SYN3: variants seen among roughly 807,000 people sequenced by gnomAD.
The protein encoded by SYN3 is synapsin-3.
SYN3 carries 35 observed loss-of-function variants against 65.8 expected under a neutral mutation model. That is an observed-to-expected ratio of 0.53 (90% confidence interval 0.41 to 0.70). The LOEUF (loss-of-function observed/expected upper bound fraction) is 0.70, where lower values mean the gene tolerates loss of function less well. Ranked by LOEUF, SYN3 falls within the 30% of genes least tolerant of loss-of-function variation. The pLI is 0.00. For missense variants in SYN3, 680 were observed against 749.0 expected, an observed-to-expected ratio of 0.91 and a Z score of 1.08; for synonymous variants, 270 against 292.9, an observed-to-expected ratio of 0.92 and a Z score of 0.80.
intron 6 of SYN3, among the ~76,000 whole-genome samples, chr22:32,623,614 G>C (rs1400441774): frequency 6.6e-6 from 1 of 152,202 alleles, no homozygotes; most frequent in Non-Finnish European, 1.5e-5. Context: ...TATGCTCCTG[G>C]ATCCCTGGAA....
Position 32,913,903 on chromosome 22 carries a change from G to A in SYN3, c.461+17487C>T, listed in dbSNP as rs75895985. Among the ~76,000 whole-genome samples the A allele has an allele frequency of 5.0e-3, 756 of 152,286 alleles. 5 individuals carry two copies. Among genetic ancestry groups the A allele is most frequent in the East Asian group, 0.025 (127 of 5,174 alleles). On this transcript the variant is annotated intron_variant, in intron 4 of 13. Transcript: ENST00000358763. ...CTTTAACGGGAGAGGCAAAACAAGC[G>A]TATGTTCCAAGCATAAAGTTGTGTT... is the stretch of plus-strand genomic sequence containing the variant.
chr22:32,640,866 C>T (rs932080821), intron 6 of SYN3, among the ~76,000 whole-genome samples: 9 of 149,572 alleles, frequency 6.0e-5, no homozygotes, highest in African/African-American at 1.2e-4. Flanking sequence ...GACTCTGTCT[C>T]GGAAAAAAAA....
At chr22:33,028,066 C>T (rs2053669083) in intron 1 of SYN3, among the ~76,000 whole-genome samples, 1 of 152,190 alleles carries the variant, frequency 6.6e-6, no homozygotes, top group African/African-American at 2.4e-5. Context: ...GATTCAAACC[C>T]AGGCAGTCTA....
chr22:33,028,784 T>A (rs2053693995), intron 1 of SYN3, among the ~76,000 whole-genome samples: 1 of 151,930 alleles, frequency 6.6e-6, no homozygotes, highest in Non-Finnish European at 1.5e-5. Context: ...CTCACGCCTG[T>A]AATCCCAGCA....
At chr22:32,835,779 C>T (rs1412075933) in intron 6 of SYN3, among the ~76,000 whole-genome samples, 2 of 152,208 alleles carry the variant, frequency 1.3e-5, no homozygotes, top group African/African-American at 4.8e-5. Flanking sequence ...TGTCTGCAAG[C>T]CAAGGTACCC....
chr22:32,709,572 A>C (rs776628908), intron 6 of SYN3, among the ~76,000 whole-genome samples: 1 of 152,212 alleles, frequency 6.6e-6, no homozygotes, highest in African/African-American at 2.4e-5. Context: ...TAAAAGATAG[A>C]AAAAATTCCA....
intron 4 of SYN3, among the ~76,000 whole-genome samples, chr22:32,872,243 T>G (rs931396140): frequency 6.6e-6 from 1 of 152,220 alleles, no homozygotes; most frequent in Non-Finnish European, 1.5e-5. Flanking sequence ...AAAATAGGCC[T>G]CAAAACTGTT....
intron 6 of SYN3, among the ~76,000 whole-genome samples, chr22:32,597,419 T>A (rs1192201342): frequency 6.6e-6 from 1 of 152,074 alleles, no homozygotes; most frequent in Non-Finnish European, 1.5e-5. Flanking sequence ...TTTCACCATG[T>A]TGGCCAGGCT....
intron 6 of SYN3, among the ~76,000 whole-genome samples, chr22:32,740,616 C>T (rs979025502): frequency 1.5e-4 from 23 of 152,180 alleles, no homozygotes; most frequent in Non-Finnish European, 3.2e-4. Flanking sequence ...CTGGAAATTG[C>T]AGATGTCTTA....
At chr22:32,723,985 C>T (rs1452816135) in intron 6 of SYN3, among the ~76,000 whole-genome samples, 1 of 152,156 alleles carries the variant, frequency 6.6e-6, no homozygotes, top group Non-Finnish European at 1.5e-5. Context: ...GGGGTGGTAA[C>T]CAACAGGCTA....
chr22:32,581,716 G>A (rs189916413), intron 7 of SYN3, among the ~76,000 whole-genome samples: 4 of 151,840 alleles, frequency 2.6e-5, no homozygotes, highest in Non-Finnish European at 4.4e-5. Context: ...TAAAAATAAG[G>A]AGTCTGGATA....
intron 7 of SYN3, among the ~76,000 whole-genome samples, chr22:32,588,957 C>T (rs371379245): frequency 2.0e-5 from 3 of 152,208 alleles, no homozygotes; most frequent in African/African-American, 7.2e-5. Flanking sequence ...GTTACTGCCT[C>T]TTTCCATGGC....
intron 4 of SYN3, among the ~76,000 whole-genome samples, chr22:32,909,266 T>C (rs778409696): frequency 8.5e-5 from 13 of 152,246 alleles, no homozygotes; most frequent in African/African-American, 2.4e-4. Flanking sequence ...GTGTTGAACA[T>C]TGGATATAAC....
chr22:32,902,268 G>T (rs2049781838), intron 4 of SYN3, among the ~76,000 whole-genome samples: 1 of 152,210 alleles, frequency 6.6e-6, no homozygotes, highest in African/African-American at 2.4e-5. Flanking sequence ...TAAAATCCAT[G>T]CAGTCCCCAA....
intron 6 of SYN3, among the ~76,000 whole-genome samples, chr22:32,814,176 GAAAGAAAAGAA>G (rs2047000865): frequency 1.0e-4 from 4 of 38,480 alleles, no homozygotes; most frequent in Non-Finnish European, 1.5e-4. Context: ...GAAAGAGAAA[GAAAGAAAAGAA>G]AGAAAGAAAG....
chr22:32,629,213 G>C (rs774721990), intron 6 of SYN3, among the ~76,000 whole-genome samples: 11 of 152,180 alleles, frequency 7.2e-5, no homozygotes, highest in Non-Finnish European at 1.5e-4. Flanking sequence ...CCTCGAGGTA[G>C]GAACAGAGGC....
At chr22:32,961,022 T>A (rs1357637642) in intron 3 of SYN3, among the ~76,000 whole-genome samples, 2 of 152,174 alleles carry the variant, frequency 1.3e-5, no homozygotes, top group African/African-American at 2.4e-5. Flanking sequence ...CACAAAGGTG[T>A]GTTTTTGAGT....
intron 4 of SYN3, among the ~76,000 whole-genome samples, chr22:32,911,820 C>T (rs541374701): frequency 6.6e-6 from 1 of 152,290 alleles, no homozygotes; most frequent in South Asian, 2.1e-4. Flanking sequence ...CACCAGCCCA[C>T]CCACTCAGAA....
chr22:32,972,523 C>G (rs1028376706), intron 3 of SYN3, among the ~76,000 whole-genome samples: 13 of 152,152 alleles, frequency 8.5e-5, no homozygotes, highest in Admixed American at 2.0e-4. Flanking sequence ...AATCTGCATT[C>G]CCCAGATCCT....
Sources: allele counts gnomAD v4.1 joint callset (sites outside exome capture counted in the v4.1 genomes callset), GRCh38; gene constraint gnomAD v4.1.1; transcripts MANE v1.5; gene names NCBI Gene and HGNC (gene_info 2026-07-23, HGNC 2026-07-21).